Variants in AKT3 observed in about 807,000 individuals in gnomAD.
The protein encoded by AKT3 is RAC-gamma serine/threonine-protein kinase.
AKT3 carries 15 observed loss-of-function variants against 65.3 expected under a neutral mutation model. The ratio of observed to expected loss-of-function variants is 0.23; its 90% confidence interval spans 0.15 to 0.35. The LOEUF is 0.35. AKT3 is among the 10% of genes least tolerant of loss of function. The pLI is 1.00. For synonymous variants in AKT3, 206 were observed against 183.8 expected (o/e 1.12, Z -0.98); for missense variants, 243 against 576.5 (o/e 0.42, Z 5.92).
intron 5 of AKT3, among the ~76,000 whole-genome samples, chr1:243,645,378 T>G (rs902273283): frequency 6.6e-6 from 1 of 152,176 alleles, no homozygotes; most frequent in Non-Finnish European, 1.5e-5. Flanking sequence ...GCTGGAACAC[T>G]GAGAGAAGGA....
intron 11 of AKT3, chr1:243,546,914 A>T (rs1014444038): frequency 5.9e-5 from 9 of 152,236 alleles, no homozygotes. Context: ...TTTATGTTAA[A>T]GTCAAAGCTG....
At chr1:243,803,638 G>A (rs1185120572) in intron 2 of AKT3, among the ~76,000 whole-genome samples, 2 of 110,516 alleles carry the variant, frequency 1.8e-5, no homozygotes, top group Non-Finnish European at 3.6e-5. Context: ...GAACAAAGAC[G>A]TACATGTACA....
At position 243,695,628 on chromosome 1, in the gene AKT3, C is replaced by G; in HGVS notation, c.135G>C (p.Val45=). 6.2e-7 allele frequency: 1 copy of G among 1,606,072 alleles called. No homozygotes were observed. The highest frequency in any genetic ancestry group is 8.5e-7 in the Non-Finnish European group (1 of 1,175,254). ...FIGYKEKPQD[V]DLPYPLNNFS... ...AGTTGTTGAGGGGATAAGGTAAATCCACATCTTGAGGTTTCTCTTTATATC... is the reference window on the plus strand; with the variant it reads ...AGTTGTTGAGGGGATAAGGTAAATCGACATCTTGAGGTTTCTCTTTATATC... Residue 45 remains valine, a synonymous_variant, in exon 3 of 14, where the codon GTG becomes GTC. Coordinates refer to ENST00000673466, the MANE Select transcript of AKT3 (RefSeq NM_005465.7).
intron 2 of AKT3, among the ~76,000 whole-genome samples, chr1:243,718,565 T>C (rs1686665606): frequency 6.6e-6 from 1 of 152,132 alleles, no homozygotes. Context: ...TTCTCCTGCC[T>C]CAGCCTCCCG....
chr1:243,699,465 C>CTATATACATATATA, intron 2 of AKT3, among the ~76,000 whole-genome samples: 1 of 103,616 alleles, frequency 9.7e-6, no homozygotes, highest in South Asian at 3.6e-4. Context: ...ACCTCTTCCA[C>CTATATACATATATA]TATATATATA....
At chr1:243,811,517 A>G (rs1316490260) in intron 2 of AKT3, among the ~76,000 whole-genome samples, 1 of 152,232 alleles carries the variant, frequency 6.6e-6, no homozygotes, top group Non-Finnish European at 1.5e-5. Flanking sequence ...CAACGAAATA[A>G]GAGAGAATAC....
intron 2 of AKT3, among the ~76,000 whole-genome samples, chr1:243,809,717 C>T (rs1014245483): frequency 6.6e-6 from 1 of 152,206 alleles, no homozygotes; most frequent in Non-Finnish European, 1.5e-5. Context: ...CACCCCAAAT[C>T]AACAGATTAT....
At chr1:243,515,173 C>A (rs538132746) in intron 12 of AKT3, among the ~76,000 whole-genome samples, 1 of 152,284 alleles carries the variant, frequency 6.6e-6, no homozygotes, top group South Asian at 2.1e-4. Context: ...AGATGTATCA[C>A]AATGGACACA....
At chr1:243,489,788 G>A (rs1209674962) in intron 13 of AKT3, among the ~76,000 whole-genome samples, 1 of 152,222 alleles carries the variant, frequency 6.6e-6, no homozygotes, top group Non-Finnish European at 1.5e-5. Context: ...ACCGCAAACG[G>A]AGGCTAAGCC....
chr1:243,751,481 T>G (rs1688810392), intron 2 of AKT3, among the ~76,000 whole-genome samples: 1 of 152,118 alleles, frequency 6.6e-6, no homozygotes, highest in Non-Finnish European at 1.5e-5. Context: ...GAGGGGGGAA[T>G]GCTATATTCA....
At chr1:243,836,638 C>T (rs907340517) in intron 2 of AKT3, among the ~76,000 whole-genome samples, 14 of 152,108 alleles carry the variant, frequency 9.2e-5, no homozygotes, top group African/African-American at 3.1e-4. Flanking sequence ...TGGCTGGGTG[C>T]AGTGGCTCAG....
chr1:243,575,526 A>AC (rs1205395753), intron 8 of AKT3, among the ~76,000 whole-genome samples: 3 of 152,176 alleles, frequency 2.0e-5, no homozygotes, highest in Non-Finnish European at 1.5e-5. Flanking sequence ...AGTGGTTTAA[A>AC]CAAAAGACAA....
At chr1:243,514,801 G>A (rs1286846652) in intron 12 of AKT3, among the ~76,000 whole-genome samples, 3 of 152,086 alleles carry the variant, frequency 2.0e-5, no homozygotes, top group Non-Finnish European at 4.4e-5. Context: ...ATTCCAACCC[G>A]GCCGGGGCGA....
chr1:243,544,632 A>G (rs1343463915), intron 12 of AKT3, among the ~76,000 whole-genome samples: 1 of 152,148 alleles, frequency 6.6e-6, no homozygotes, highest in Non-Finnish European at 1.5e-5. Context: ...ATAAATAAAT[A>G]AATGAATAAA....
intron 2 of AKT3, among the ~76,000 whole-genome samples, chr1:243,824,801 T>C (rs1694071848): frequency 6.6e-6 from 1 of 152,202 alleles, no homozygotes; most frequent in Non-Finnish European, 1.5e-5. Flanking sequence ...TTTACACCAT[T>C]GGTGGGAAAG....
intron 8 of AKT3, among the ~76,000 whole-genome samples, chr1:243,608,569 G>A (rs1049738171): frequency 1.3e-5 from 2 of 151,956 alleles, no homozygotes; most frequent in South Asian, 2.1e-4. Context: ...GTATTCTCAC[G>A]CTCAAGTCCT....
intron 1 of AKT3, among the ~76,000 whole-genome samples, chr1:243,849,759 C>G (rs976425172): frequency 6.6e-6 from 1 of 151,632 alleles, no homozygotes; most frequent in African/African-American, 2.4e-5. Flanking sequence ...CTCCCCCGGC[C>G]CGCTGCGCAC....
rs377508562 is a variant in AKT3 at position 243,499,726 on chromosome 1, T to C, written c.*5523A>G. ...AAATAACATTGAAGAACATGAGCTA[T>C]TGAAACTTACTTTTTATTATTTTTT... On this transcript the variant is annotated 3_prime_UTR_variant, in exon 14 of 14. Transcript: ENST00000673466. 2.2e-5 allele frequency: 35 copies of C among 1,580,262 alleles called. No homozygotes were observed. Among genetic ancestry groups the C allele is most frequent in the Admixed American group, 8.3e-5 (5 of 59,980 alleles).
intron 5 of AKT3, among the ~76,000 whole-genome samples, chr1:243,641,676 C>T (rs920765334): frequency 1.7e-4 from 26 of 152,196 alleles, no homozygotes; most frequent in African/African-American, 6.3e-4. Flanking sequence ...TGGCTCACAC[C>T]TGTAATCCCA....
Sources: allele counts gnomAD v4.1 joint callset (sites outside exome capture counted in the v4.1 genomes callset), GRCh38; gene constraint gnomAD v4.1.1; transcripts MANE v1.5; gene names NCBI Gene and HGNC (gene_info 2026-07-23, HGNC 2026-07-21).